Variants in ERC1 observed in about 807,000 individuals in gnomAD.
ERC1 encodes the protein ELKS/RAB6-interacting/CAST family member 1, also known as RAB6 interacting protein 2.
In ERC1, 56 loss-of-function variants were observed where a neutral mutation model predicts 132.0. The observed-to-expected ratio is 0.42, with a 90% CI of 0.34 to 0.53. The LOEUF is 0.53. Ranked by LOEUF, ERC1 falls within the 20% of genes least tolerant of loss-of-function variation. The pLI is 0.03. For missense variants in ERC1, 1,202 were observed against 1,349.9 expected (o/e 0.89, Z 1.72); for synonymous variants, 478 against 476.1 (o/e 1.00, Z -0.05).
At chr12:1,256,397 C>CT (rs2076818811) in intron 13 of ERC1, among the ~76,000 whole-genome samples, 1 of 144,946 alleles carries the variant, frequency 6.9e-6, no homozygotes, top group African/African-American at 2.6e-5. Context: ...CCAATAGACT[C>CT]TGAGTATTTC....
chr12:1,266,359 CATTTTTTATTATT>C (rs1210799625), intron 14 of ERC1, among the ~76,000 whole-genome samples: 1 of 145,408 alleles, frequency 6.9e-6, no homozygotes, highest in African/African-American at 2.6e-5. Context: ...TCTCCTCTCC[CATTTTTTATTATT>C]ATTTTTATCG....
At chr12:1,437,206 A>G (rs558924147) in intron 17 of ERC1, among the ~76,000 whole-genome samples, 1 of 152,276 alleles carries the variant, frequency 6.6e-6, no homozygotes, top group African/African-American at 2.4e-5. Context: ...GATTCTGGTT[A>G]TCTCATCGAC....
rs112693850 is a variant in ERC1 at position 1,138,574 on chromosome 12, A to G, written c.1570-3046A>G. ...ATATTTATTAAAATGGTGGCATAGGAAAAGGACCTTGAAAGATGTGTTCAG... is the reference window on the plus strand; with the variant it reads ...ATATTTATTAAAATGGTGGCATAGGGAAAGGACCTTGAAAGATGTGTTCAG... On this transcript the variant is annotated intron_variant, in intron 7 of 18. Coordinates refer to ENST00000360905, the MANE Select transcript of ERC1 (RefSeq NM_178040.4). Among the ~76,000 whole-genome samples the G allele has an allele frequency of 4.1e-3, 630 of 151,990 alleles. 3 individuals carry two copies. Among genetic ancestry groups the G allele is most frequent in the African/African-American group, 0.014 (594 of 41,442 alleles).
intron 7 of ERC1, among the ~76,000 whole-genome samples, chr12:1,116,876 C>T (rs755363212): frequency 3.3e-5 from 5 of 152,134 alleles, no homozygotes; most frequent in Admixed American, 2.0e-4. Flanking sequence ...CCACCATGCC[C>T]GGGCAGTGTT....
intron 15 of ERC1, among the ~76,000 whole-genome samples, chr12:1,333,031 C>CGTCCTGATCCTG (rs1478386961): frequency 7.4e-6 from 1 of 135,698 alleles, no homozygotes; most frequent in South Asian, 2.5e-4. Flanking sequence ...TCCTGATCCT[C>CGTCCTGATCCTG]GTCCTGATCC....
At chr12:1,368,371 A>G (rs1444681511) in intron 15 of ERC1, among the ~76,000 whole-genome samples, 1 of 152,148 alleles carries the variant, frequency 6.6e-6, no homozygotes, top group Non-Finnish European at 1.5e-5. Context: ...ACTGTGTACT[A>G]CTTTTATCAG....
intron 17 of ERC1, among the ~76,000 whole-genome samples, chr12:1,441,562 A>G (rs1039858536): frequency 2.0e-5 from 3 of 152,170 alleles, no homozygotes; most frequent in Non-Finnish European, 4.4e-5. Flanking sequence ...AAAAGTAATT[A>G]CCTAAGATAA....
chr12:1,133,167 T>TTC (rs397711802), intron 7 of ERC1, among the ~76,000 whole-genome samples: 1 of 150,762 alleles, frequency 6.6e-6, no homozygotes, highest in Admixed American at 6.6e-5. Flanking sequence ...CGGTTTTTTT[T>TTC]TGTTTGTTTG....
chr12:1,115,982 G>A lies in ERC1; in HGVS notation c.1518G>A (p.Leu506=), dbSNP rs768516599. The A allele has an allele frequency of 4.3e-6, 7 of 1,614,118 alleles. No individual in the cohort carries two copies. The part of the protein sequence containing the change: ...FSDSKQHIEV[L]KESLTAKEQR... ...ATAGTAAACAGCACATTGAAGTGTT[G>A]AAGGAGTCCTTGACTGCTAAGGAGC... Residue 506 remains leucine (L), a synonymous_variant, in exon 7 of 19, where the codon TTG becomes TTA. Transcript: ENST00000360905.
chr12:1,431,615 C>T lies in ERC1; in HGVS notation c.3025-12947C>T, dbSNP rs1237709161. On this transcript the variant is annotated intron_variant, in intron 17 of 18. Coordinates refer to ENST00000360905, the MANE Select transcript of ERC1 (RefSeq NM_178040.4). ...ACATAGATTTTACTAATTATCACTT[C>T]CTGTAACTGTCAGTTTTCATTTTAT... Among the ~76,000 whole-genome samples, 3 of 152,148 alleles carry T rather than the reference C, an allele frequency of 2.0e-5. No homozygotes were observed. The East Asian group carries it at 5.8e-4, about 29-fold the overall frequency.
chr12:1,111,856 C>G (rs1945904919), intron 5 of ERC1, among the ~76,000 whole-genome samples: 1 of 152,116 alleles, frequency 6.6e-6, no homozygotes, highest in Non-Finnish European at 1.5e-5. Flanking sequence ...ATCCTCCTGC[C>G]TTGGCCTCCC....
Position 1,203,597 on chromosome 12 carries a change from A to G in ERC1, c.2351+13545A>G, listed in dbSNP as rs191021960. On this transcript the variant is annotated intron_variant, in intron 12 of 18. Coordinates refer to ENST00000360905, the MANE Select transcript of ERC1 (RefSeq NM_178040.4). ...TGGAAATGGTGCTTGCATTCAAGAA[A>G]TAGATATTTTGTTTCAGATTCTTAA... is the stretch of plus-strand genomic sequence containing the variant. Among the ~76,000 whole-genome samples, 16 of 152,368 alleles carry G rather than the reference A, an allele frequency of 1.1e-4. No homozygotes were observed. In the East Asian group the frequency reaches 2.7e-3, roughly 26 times the overall value.
At chr12:1,004,638 C>T (rs191932725) in intron 1 of ERC1, among the ~76,000 whole-genome samples, 164 of 152,034 alleles carry the variant, frequency 1.1e-3, no homozygotes, top group African/African-American at 3.9e-3. Context: ...AACTCCTGAC[C>T]TTGTGATCCA....
intron 12 of ERC1, among the ~76,000 whole-genome samples, chr12:1,231,230 G>A (rs187514543): frequency 6.6e-6 from 1 of 151,462 alleles, no homozygotes; most frequent in African/African-American, 2.4e-5. Flanking sequence ...TTACTATGAG[G>A]GTTACATAAG....
intron 18 of ERC1, among the ~76,000 whole-genome samples, chr12:1,460,426 C>T (rs927055123): frequency 2.0e-5 from 3 of 152,068 alleles, no homozygotes; most frequent in African/African-American, 4.8e-5. Context: ...TCGGTGTTAC[C>T]CCATGAGCAG....
At chr12:1,199,128 T>C (rs1010620924) in intron 12 of ERC1, among the ~76,000 whole-genome samples, 12 of 146,140 alleles carry the variant, frequency 8.2e-5, no homozygotes, top group Non-Finnish European at 1.8e-4. Context: ...CAACATGAGA[T>C]TTGGGTGGGG....
intron 18 of ERC1, among the ~76,000 whole-genome samples, chr12:1,455,586 A>C (rs953139543): frequency 8.5e-5 from 13 of 152,178 alleles, no homozygotes; most frequent in African/African-American, 3.1e-4. Context: ...TGGGACAGGA[A>C]GCCTTGTTAG....
At chr12:1,069,315 G>A (rs1479136838) in intron 2 of ERC1, among the ~76,000 whole-genome samples, 1 of 152,164 alleles carries the variant, frequency 6.6e-6, no homozygotes, top group African/African-American at 2.4e-5. Context: ...GTACTTAGCT[G>A]TATATAAAAT....
At chr12:1,079,868 C>T (rs1348967802) in intron 2 of ERC1, among the ~76,000 whole-genome samples, 1 of 151,642 alleles carries the variant, frequency 6.6e-6, no homozygotes, top group Non-Finnish European at 1.5e-5. Flanking sequence ...TACAGAGATA[C>T]AGATAGAAAT....
Sources: allele counts gnomAD v4.1 joint callset (sites outside exome capture counted in the v4.1 genomes callset), GRCh38; gene constraint gnomAD v4.1.1; transcripts MANE v1.5; gene names NCBI Gene and HGNC (gene_info 2026-07-23, HGNC 2026-07-21).